RPL7L1: variants seen among roughly 807,000 people sequenced by gnomAD.
RPL7L1 encodes ribosomal protein L7 like 1, also known as ribosomal protein uL30-like.
A neutral mutation model predicts 30.3 loss-of-function variants in RPL7L1; 20 were observed. The observed-to-expected ratio is 0.66, with a 90% confidence interval of 0.46 to 0.96. The LOEUF (loss-of-function observed/expected upper bound fraction) is 0.96, where lower values mean the gene tolerates loss of function less well. RPL7L1 is among the 40% of genes least tolerant of loss of function. The pLI is 0.00. For synonymous variants in RPL7L1, 107 were observed against 110.1 expected (o/e 0.97, Z 0.18); for missense variants, 271 against 314.9 (o/e 0.86, Z 1.05).
chr6:42,886,227 A>G (rs1355994038), intron 5 of RPL7L1, 29 bp from the exon 6 acceptor site: 1 of 1,589,826 alleles, frequency 6.3e-7, no homozygotes, highest in Admixed American at 1.7e-5. Context: ...CATGTTAAAT[A>G]AAGGAATCTG....
At chr6:42,880,239 C>T (rs1766020872) in intron 1 of RPL7L1, among the ~76,000 whole-genome samples, 1 of 152,148 alleles carries the variant, frequency 6.6e-6, no homozygotes, top group Admixed American at 6.6e-5. Flanking sequence ...AGGCCTGCCC[C>T]CGCCCCAACC....
Position 42,884,758 on chromosome 6 carries a change from A to T in RPL7L1, c.449+8A>T, listed in dbSNP as rs200976526. 97 of 1,610,254 alleles carry T rather than the reference A, an allele frequency of 6.0e-5. 1 individual carries two copies. The East Asian group carries it at 1.5e-3, about 24-fold the overall frequency. On this transcript the variant is annotated splice_region_variant and intron_variant, in intron 4 of 5. Transcript: ENST00000493763. ...ACCTTATGTGACCTGGGGGTAAGTAAGGTTTTCCATGTGAATTCACATTAG... is the reference window on the plus strand; with the variant it reads ...ACCTTATGTGACCTGGGGGTAAGTATGGTTTTCCATGTGAATTCACATTAG...
In RPL7L1 at chr6:42,887,506, C is replaced by T. The variant is rs1305059872; in HGVS notation, c.*1042C>T. The T allele has an allele frequency of 1.3e-5, 2 of 152,036 alleles. No individual in the cohort carries two copies. Among genetic ancestry groups the T allele is most frequent in the Non-Finnish European group, 2.9e-5 (2 of 68,014 alleles). 9.4% of individuals were successfully genotyped at this position (152,036 alleles called of 1,614,324 possible). A position where few individuals can be genotyped will look rare whatever the true frequency, so the allele number is the denominator to read the frequency against. ...GCTGAGGCAGGAGAATCGCTTGAAC[C>T]TGGGAGGTGGAAGTTGCAGTGAGCT... is the stretch of plus-strand genomic sequence containing the variant. On this transcript the variant is annotated 3_prime_UTR_variant, in exon 6 of 6. Transcript: ENST00000493763.
At chr6:42,881,080 C>T (rs555790411) in intron 2 of RPL7L1, 114 bp downstream of exon 2, 18 of 667,270 alleles carry the variant, frequency 2.7e-5, no homozygotes, top group Admixed American at 2.2e-4. Context: ...TTTGACAGAC[C>T]AGGTATAGTT....
intron 2 of RPL7L1, chr6:42,882,260 G>C (rs1438737954): frequency 6.8e-6 from 1 of 147,222 alleles, no homozygotes; most frequent in Non-Finnish European, 1.5e-5. Context: ...ACTTTTTACG[G>C]TTATTTTTCA....
At chr6:42,885,006 A>G (rs887969353) in intron 4 of RPL7L1, among the ~76,000 whole-genome samples, 1 of 152,150 alleles carries the variant, frequency 6.6e-6, no homozygotes, top group Non-Finnish European at 1.5e-5. Flanking sequence ...GAAAGTCTTA[A>G]AGCAGAGCTA....
intron 2 of RPL7L1, chr6:42,883,107 T>G (rs1766139250): frequency 6.0e-6 from 1 of 166,698 alleles, no homozygotes; most frequent in Admixed American, 6.0e-5. Context: ...GAATCACAGA[T>G]GCAGAGCACC....
Position 42,887,014 on chromosome 6 carries a change from A to AAC in RPL7L1, c.*550_*551insAC. On this transcript the variant is annotated 3_prime_UTR_variant, in exon 6 of 6. Coordinates refer to ENST00000493763, the MANE Select transcript of RPL7L1 (RefSeq NM_001366481.3). ...TCTCGGAAAAAAAAAAAAAAAAACT[A>AAC]TTGCTGCAGTCATTCAGATGGAAAT... The AAC allele has an allele frequency of 6.9e-6, 1 of 145,170 alleles. No homozygotes were observed. Among genetic ancestry groups the AAC allele is most frequent in the Non-Finnish European group, 1.5e-5 (1 of 66,226 alleles). The allele number at this position is 145,170 out of a possible 1,614,324, so 9.0% of individuals were successfully genotyped here. A position where few individuals can be genotyped will look rare whatever the true frequency, so the allele number is the denominator to read the frequency against.
Position 42,889,024 on chromosome 6 carries a change from A to G in RPL7L1, c.*2560A>G, listed in dbSNP as rs1766380601. The G allele has an allele frequency of 2.6e-5, 4 of 152,270 alleles. No individual in the cohort carries two copies. The South Asian group carries it at 8.3e-4, about 32-fold the overall frequency. 9.4% of individuals were successfully genotyped at this position (152,270 alleles called of 1,614,324 possible). A position where few individuals can be genotyped will look rare whatever the true frequency, so the allele number is the denominator to read the frequency against. ...CAAGGATGTGCCAGGCCTAGGTTAA[A>G]CTTGGAAACATGCTTGACCATTCTA... On this transcript the variant is annotated 3_prime_UTR_variant, in exon 6 of 6. Transcript: ENST00000493763.
chr6:42,883,644 GA>G, intron 3 of RPL7L1, 30 bp downstream of exon 3: 1 of 1,546,136 alleles, frequency 6.5e-7, no homozygotes, highest in Non-Finnish European at 8.7e-7. Flanking sequence ...CTAATTGCAT[GA>G]GGCTGGGGCA....
At chr6:42,884,940 A>G (rs1766207502) in intron 4 of RPL7L1, among the ~76,000 whole-genome samples, 190 bp downstream of exon 4, 5 of 152,134 alleles carry the variant, frequency 3.3e-5, no homozygotes, top group African/African-American at 1.2e-4. Context: ...GAACAATACC[A>G]TAGTAGGGCT....
chr6:42,886,238 T>A lies in RPL7L1; in HGVS notation c.560-18T>A. 1 of 1,601,400 alleles carries A rather than the reference T, an allele frequency of 6.2e-7. No homozygotes were observed. The highest frequency in any genetic ancestry group is 2.2e-5 in the East Asian group (1 of 44,808). On this transcript the variant is annotated intron_variant, in intron 5 of 5. Coordinates refer to ENST00000493763, the MANE Select transcript of RPL7L1 (RefSeq NM_001366481.3). ...GATACATGTTAAATAAAGGAATCTG[T>A]GCTTTTGTGTTTCTTAGGGAAGTTT...
In RPL7L1 at chr6:42,880,043, G is replaced by A. The variant is rs111627232; in HGVS notation, c.41+92G>A. The A allele has an allele frequency of 7.0e-4, 891 of 1,273,138 alleles. 8 individuals are homozygous for A. Among genetic ancestry groups the A allele is most frequent in the South Asian group, 5.5e-3 (464 of 84,054 alleles). 78.9% of individuals were successfully genotyped at this position (1,273,138 alleles called of 1,614,324 possible). A position where few individuals can be genotyped will look rare whatever the true frequency, so the allele number is the denominator to read the frequency against. On this transcript the variant is annotated intron_variant, in intron 1 of 5. Transcript: ENST00000493763. ...ATGCCTTGGTGGCGGATTCCTGTGG[G>A]CTCTAGGAATAGAAAAGGCCACAGT...
rs1162503156 is a variant in RPL7L1 at position 42,884,607 on chromosome 6, T to C, written c.312-6T>C. On this transcript the variant is annotated splice_polypyrimidine_tract_variant and splice_region_variant and intron_variant, in intron 3 of 5. Coordinates refer to ENST00000493763, the MANE Select transcript of RPL7L1 (RefSeq NM_001366481.3). Reference sequence around the variant, plus strand: ...TCTGTCTGACTTCTGTTGCTGTTCATTTCAGGATTGACGGCGTGAGTTTAC... The same window carrying C: ...TCTGTCTGACTTCTGTTGCTGTTCACTTCAGGATTGACGGCGTGAGTTTAC... 2 of 1,611,680 alleles carry C rather than the reference T, an allele frequency of 1.2e-6. No homozygotes were observed. The highest frequency in any genetic ancestry group is 2.7e-5 in the African/African-American group (2 of 74,864).
intron 1 of RPL7L1, 93 bp downstream of exon 1, chr6:42,880,044 C>A: frequency 1.6e-6 from 2 of 1,267,420 alleles, no homozygotes; most frequent in Non-Finnish European, 2.3e-6. Context: ...TTCCTGTGGG[C>A]TCTAGGAATA....
chr6:42,886,721 C>T lies in RPL7L1; in HGVS notation c.*257C>T, dbSNP rs1157859671. 1.1e-5 allele frequency: 4 copies of T among 366,118 alleles called. No individual in the cohort carries two copies. Among genetic ancestry groups the T allele is most frequent in the African/African-American group, 4.2e-5 (2 of 47,920 alleles). The allele number at this position is 366,118 out of a possible 1,614,324, so 22.7% of individuals were successfully genotyped here. Reference sequence around the variant, plus strand: ...ACTAAAAACTGTATTGCTGGCCGGGCGCGGTGGCTCACGCCTGTAATCCCA... The same window carrying T: ...ACTAAAAACTGTATTGCTGGCCGGGTGCGGTGGCTCACGCCTGTAATCCCA... On this transcript the variant is annotated 3_prime_UTR_variant, in exon 6 of 6. Transcript: ENST00000493763.
At chr6:42,880,093 A>G (rs1359710155) in intron 1 of RPL7L1, 142 bp downstream of exon 1, 21 of 863,350 alleles carry the variant, frequency 2.4e-5, no homozygotes, top group Non-Finnish European at 3.9e-5. Flanking sequence ...GGTGAGGAGG[A>G]GTAGCGCTGT....
chr6:42,884,526 C>A, intron 3 of RPL7L1, 87 bp from the exon 4 acceptor site: 1 of 1,209,778 alleles, frequency 8.3e-7, no homozygotes, highest in South Asian at 1.3e-5. Context: ...TTCCAGATTA[C>A]CCAGTGTAGT....
chr6:42,883,373 G>T, intron 2 of RPL7L1, 78 bp from the exon 3 acceptor site: 2 of 1,136,502 alleles, frequency 1.8e-6, no homozygotes, highest in East Asian at 2.6e-5. Flanking sequence ...TATATCAGTT[G>T]TCACTTATGA....
Sources: gnomAD v4.1 joint callset for allele counts (sites outside exome capture counted in the v4.1 genomes callset) on GRCh38, gnomAD v4.1.1 for gene constraint, MANE v1.5 for transcripts, NCBI Gene and HGNC (gene_info 2026-07-23, HGNC 2026-07-21) for gene names.